The following SEMA6D variants were observed in gnomAD, a reference collection of about 807,000 sequenced individuals.
SEMA6D encodes the protein semaphorin 6D.
In SEMA6D, 35 loss-of-function variants were observed where a neutral mutation model predicts 106.6. That is an observed-to-expected ratio of 0.33 (90% CI 0.25 to 0.44). The LOEUF is 0.44. Among genes scored for constraint, SEMA6D ranks in the 20% least tolerant of loss-of-function variants. SEMA6D has a pLI of 1.00. For missense variants in SEMA6D, 1,185 were observed against 1,345.9 expected, an observed-to-expected ratio of 0.88 and a Z score of 1.87; for synonymous variants, 499 against 487.7, an observed-to-expected ratio of 1.02 and a Z score of -0.31.
chr15:47,511,573 CCCT>C (rs2044231084), intron 3 of SEMA6D, among the ~76,000 whole-genome samples: 1 of 152,154 alleles, frequency 6.6e-6, no homozygotes, highest in South Asian at 2.1e-4. Flanking sequence ...TCTCTCCCTT[CCCT>C]CCTCCATAGA....
At chr15:47,666,390 C>T (rs2078027113) in intron 4 of SEMA6D, among the ~76,000 whole-genome samples, 1 of 152,180 alleles carries the variant, frequency 6.6e-6, no homozygotes, top group Admixed American at 6.5e-5. Context: ...TTAGGACCAG[C>T]CTGGCTGAGG....
intron 2 of SEMA6D, among the ~76,000 whole-genome samples, chr15:47,437,482 T>A (rs1385404244): frequency 6.6e-6 from 1 of 152,152 alleles, no homozygotes; most frequent in East Asian, 1.9e-4. Flanking sequence ...TTGTGTAAAT[T>A]TTCCTCAGAA....
At chr15:47,357,049 G>A (rs16959332) in intron 1 of SEMA6D, among the ~76,000 whole-genome samples, 19,563 of 152,142 alleles carry the variant, frequency 0.13, 1,445 homozygotes, top group East Asian at 0.34. Context: ...AAATGGGGCT[G>A]TGCGGCTGGA....
chr15:47,657,910 T>C (rs2077835123), intron 4 of SEMA6D, among the ~76,000 whole-genome samples: 1 of 151,436 alleles, frequency 6.6e-6, no homozygotes, highest in African/African-American at 2.4e-5. Context: ...CCGGCTAATT[T>C]TTTGTATTTG....
At chr15:47,701,612 G>T (rs2078814186) in intron 4 of SEMA6D, among the ~76,000 whole-genome samples, 1 of 152,074 alleles carries the variant, frequency 6.6e-6, no homozygotes, top group Non-Finnish European at 1.5e-5. Context: ...AAAACATGTT[G>T]TACAGAATAA....
intron 1 of SEMA6D, among the ~76,000 whole-genome samples, chr15:47,338,673 G>A (rs889460835): frequency 1.3e-5 from 2 of 152,150 alleles, no homozygotes; most frequent in African/African-American, 4.8e-5. Context: ...CTAGTAATGT[G>A]GCAGCATCTT....
At chr15:47,660,778 G>A (rs2077902183) in intron 4 of SEMA6D, among the ~76,000 whole-genome samples, 2 of 152,120 alleles carry the variant, frequency 1.3e-5, no homozygotes, top group African/African-American at 2.4e-5. Flanking sequence ...ATCTTGAAAA[G>A]TTGATTTTTC....
chr15:47,692,493 T>C (rs955526266), intron 4 of SEMA6D, among the ~76,000 whole-genome samples: 4 of 152,154 alleles, frequency 2.6e-5, no homozygotes, highest in Non-Finnish European at 4.4e-5. Context: ...TCCCTAAGCA[T>C]GCTGCAAACA....
intron 3 of SEMA6D, among the ~76,000 whole-genome samples, chr15:47,544,807 G>A (rs772779131): frequency 7.6e-5 from 11 of 145,378 alleles, no homozygotes; most frequent in Non-Finnish European, 1.4e-4. Flanking sequence ...GGGGGGACTC[G>A]TATTTTTTGG....
Position 47,695,817 on chromosome 15 carries a change from A to G in SEMA6D, c.-54-63928A>G, listed in dbSNP as rs147404764. Among the ~76,000 whole-genome samples the G allele has an allele frequency of 1.8e-3, 272 of 152,312 alleles. 2 individuals carry two copies. The East Asian group carries it at 0.026, about 15-fold the overall frequency. ...TATTGGATTTTATATATTCTGGAGC[A>G]TGTAATGAGTTATTGATTTGTGATA... On this transcript the variant is annotated intron_variant, in intron 4 of 19. Coordinates refer to the SEMA6D transcript ENST00000558014.
chr15:47,390,530 C>A (rs532979954), intron 1 of SEMA6D, among the ~76,000 whole-genome samples: 4 of 152,030 alleles, frequency 2.6e-5, no homozygotes, highest in African/African-American at 9.7e-5. Context: ...TGCCTTTCCA[C>A]CCCCATTTGA....
At chr15:47,336,746 T>C (rs2037574703) in intron 1 of SEMA6D, among the ~76,000 whole-genome samples, 1 of 152,166 alleles carries the variant, frequency 6.6e-6, no homozygotes, top group Non-Finnish European at 1.5e-5. Context: ...CCCCTAGAAC[T>C]GACTCTGAAA....
intron 2 of SEMA6D, among the ~76,000 whole-genome samples, chr15:47,414,154 T>C (rs892242351): frequency 3.9e-5 from 6 of 152,236 alleles, no homozygotes; most frequent in African/African-American, 1.2e-4. Context: ...TTCACACTTT[T>C]ATGCATATAA....
At chr15:47,516,148 A>G (rs1488974616) in intron 3 of SEMA6D, among the ~76,000 whole-genome samples, 3 of 152,076 alleles carry the variant, frequency 2.0e-5, no homozygotes, top group Admixed American at 6.6e-5. Context: ...TGTTGTTTAT[A>G]ATGACTCTGC....
intron 1 of SEMA6D, among the ~76,000 whole-genome samples, chr15:47,736,737 T>C: frequency 6.6e-6 from 1 of 152,226 alleles, no homozygotes; most frequent in Non-Finnish European, 1.5e-5. Flanking sequence ...GAGGAAGATC[T>C]TAAATACCAG....
At chr15:47,186,534 T>C (rs1439810148) in intron 1 of SEMA6D, among the ~76,000 whole-genome samples, 13 of 152,138 alleles carry the variant, frequency 8.5e-5, no homozygotes, top group Non-Finnish European at 4.4e-5. Flanking sequence ...TACCTCTTTT[T>C]TTTTTTTGCT....
chr15:47,366,108 A>C (rs983133071), intron 1 of SEMA6D, among the ~76,000 whole-genome samples: 3 of 152,150 alleles, frequency 2.0e-5, no homozygotes, highest in Non-Finnish European at 4.4e-5. Flanking sequence ...ACTGATCACA[A>C]ATGATAAAGA....
intron 2 of SEMA6D, among the ~76,000 whole-genome samples, chr15:47,443,384 G>T (rs963925700): frequency 2.6e-5 from 4 of 152,076 alleles, no homozygotes; most frequent in Non-Finnish European, 4.4e-5. Context: ...TATTTAAATA[G>T]TCTGACTGCT....
chr15:47,675,565 A>G (rs1441253889), intron 4 of SEMA6D, among the ~76,000 whole-genome samples: 2 of 152,160 alleles, frequency 1.3e-5, no homozygotes, highest in Admixed American at 1.3e-4. Flanking sequence ...AATCTGTGGT[A>G]TTTTGCTATG....
Sources: allele counts gnomAD v4.1 joint callset (sites outside exome capture counted in the v4.1 genomes callset), GRCh38; gene constraint gnomAD v4.1.1; transcripts MANE v1.5; gene names NCBI Gene and HGNC (gene_info 2026-07-23, HGNC 2026-07-21).